The following ZNF324B variants were observed in gnomAD, a reference collection of about 807,000 sequenced individuals.
The protein encoded by ZNF324B is zinc finger protein 324B.
Under a neutral mutation model 10.6 loss-of-function variants are expected in ZNF324B, and 7 were observed. That is an observed-to-expected ratio of 0.66 (90% CI 0.38 to 1.24). The LOEUF (loss-of-function observed/expected upper bound fraction) is 1.24, where lower values mean the gene tolerates loss of function less well. Among genes scored for constraint, ZNF324B ranks in the 50% most tolerant of loss-of-function variants. The pLI, the probability that ZNF324B is intolerant of heterozygous loss-of-function variation, is 0.02. For missense variants in ZNF324B, 640 were observed against 764.7 expected (o/e 0.84, Z 1.92); for synonymous variants, 316 against 321.0 (o/e 0.98, Z 0.17).
At chr19:58,435,564 T>G in the ZNF324B span, 1 of 188,556 alleles carries the variant, frequency 5.3e-6, no homozygotes, top group Non-Finnish European at 1.1e-5. Flanking sequence ...CATAATGAGA[T>G]ACCACTTCAC....
At position 58,455,474 on chromosome 19, in the gene ZNF324B, A is replaced by G. The variant is rs753478474; in HGVS notation, c.530A>G (p.Lys177Arg). 4.1e-5 allele frequency: 66 copies of G among 1,613,964 alleles called. No homozygotes were observed. Among genetic ancestry groups the G allele is most frequent in the Non-Finnish European group, 5.1e-5 (60 of 1,179,992 alleles). ...RPPKSSRPREKTFTEYRVPGR... is the reference protein window; with the variant it reads ...RPPKSSRPRERTFTEYRVPGR... ...CCCAAGAGCAGCCGGCCCAGGGAAA[A>G]GACCTTCACAGAGTACCGGGTGCCT... is the stretch of plus-strand genomic sequence containing the variant. Residue 177 changes from lysine to arginine, a missense_variant, in exon 4 of 4, where the codon AAG becomes AGG. Lys to Arg is a conservative substitution (Grantham distance 26). Transcript: ENST00000336614. This position sits in a 1 kb window ranked among gnomAD's most constrained non-coding sequence, Gnocchi z 7.0.
chr19:58,454,183 G>C (rs2052889523), intron 2 of ZNF324B, 45 bp from the exon 3 acceptor site: 1 of 1,304,508 alleles, frequency 7.7e-7, no homozygotes, highest in Non-Finnish European at 1.1e-6. Flanking sequence ...TGGGAGGTGG[G>C]TTGTCTTGAC....
At position 58,455,531 on chromosome 19, in the gene ZNF324B, A is replaced by G. The variant is rs760665992; in HGVS notation, c.587A>G (p.Lys196Arg). 6.2e-7 allele frequency: 1 copy of G among 1,614,096 alleles called. No individual in the cohort carries two copies. The highest frequency in any genetic ancestry group is 1.1e-5 in the South Asian group (1 of 91,092). The change falls in exon 4 of 4, where the codon AAG becomes AGG. Residue 196 changes from lysine (K) to arginine (R), a missense_variant. Coordinates refer to ENST00000336614, the MANE Select transcript of ZNF324B (RefSeq NM_207395.3). This position sits in a 1 kb window ranked among gnomAD's most constrained non-coding sequence, Gnocchi z 7.0. Reference sequence around the variant, plus strand: ...CAGCCCAGGACGCCTGAGCGGCAGAAGCCATGTGCACAGGAGGTCCCTGGG... The same window carrying G: ...CAGCCCAGGACGCCTGAGCGGCAGAGGCCATGTGCACAGGAGGTCCCTGGG... Reference protein sequence around the residue: ...GRQPRTPERQKPCAQEVPGRA... With the variant: ...GRQPRTPERQRPCAQEVPGRA...
At chr19:58,446,141 C>G in the ZNF324B span, among the ~76,000 whole-genome samples, 3 of 152,080 alleles carry the variant, frequency 2.0e-5, no homozygotes, top group African/African-American at 7.2e-5. Flanking sequence ...TCTCAAAAAA[C>G]AAACAAACAA....
chr19:58,418,941 T>A, the ZNF324B span: 4 of 152,234 alleles, frequency 2.6e-5, no homozygotes, highest in African/African-American at 9.6e-5. Flanking sequence ...TTCTGATCCC[T>A]GTGTGTGGAG....
rs565282291 is a variant in ZNF324B at position 58,453,428 on chromosome 19, G to T, written c.-6-268G>T. ...GGATATTTGGGGCTGCCCTTGGTGT[G>T]GCAGCTAAGGGCCCAGCCAGGGCTT... On this transcript the variant is annotated intron_variant, in intron 1 of 3. Transcript: ENST00000336614. 5.7e-4 allele frequency among the ~76,000 whole-genome samples: 87 copies of T among 152,308 alleles called. 1 individual carries two copies. The highest frequency in any genetic ancestry group is 1.9e-3 in the African/African-American group (79 of 41,566).
the ZNF324B span, chr19:58,432,462 T>A: frequency 2.7e-6 from 1 of 373,960 alleles, no homozygotes; most frequent in East Asian, 7.8e-5. Context: ...CCCAAATCCC[T>A]GGTTATTACC....
At chr19:58,435,256 G>A in the ZNF324B span, 1 of 1,569,430 alleles carries the variant, frequency 6.4e-7, no homozygotes, top group South Asian at 1.2e-5. Flanking sequence ...CCACTTGGTG[G>A]GAATGGTTGA....
At chr19:58,421,557 T>C in the ZNF324B span, among the ~76,000 whole-genome samples, 1 of 152,120 alleles carries the variant, frequency 6.6e-6, no homozygotes, top group African/African-American at 2.4e-5. Context: ...ATTTTTGTAT[T>C]TTTAGTAGAG....
chr19:58,426,786 A>C, the ZNF324B span, among the ~76,000 whole-genome samples: 1 of 152,228 alleles, frequency 6.6e-6, no homozygotes, highest in Admixed American at 6.5e-5. Flanking sequence ...TGCCCAGTAG[A>C]TTCCAGAAGA....
At chr19:58,451,389 C>T (rs1055681500), upstream of ZNF324B, among the ~76,000 whole-genome samples, 2 of 152,370 alleles carry the variant, frequency 1.3e-5, no homozygotes, top group African/African-American at 2.4e-5. Flanking sequence ...GACAACCTGC[C>T]GGGCGACTCA....
chr19:58,455,321 C>A lies in ZNF324B; in HGVS notation c.377C>A (p.Pro126Gln), dbSNP rs779513346. 2.5e-6 allele frequency: 4 copies of A among 1,614,114 alleles called. No individual in the cohort carries two copies. Among genetic ancestry groups the A allele is most frequent in the Admixed American group, 1.7e-5 (1 of 60,010 alleles). ...AGTGTAAAAAGCCTGCAGCGACAAC[C>A]GGGTGCCTCCCCATCTCAGGAGAGA... ...CHSVKSLQRQ[P>Q]GASPSQERKP... The change falls in exon 4 of 4, where the codon CCG becomes CAG. Residue 126 changes from proline (P) to glutamine (Q), a missense_variant. Physicochemically the swap from Pro to Gln is moderately conservative, Grantham distance 76. Around this residue, in one of 3 missense-constraint regions of ZNF324B, gnomAD observed 345 missense variants for 387.9 expected, o/e 0.89. Coordinates refer to ENST00000336614, the MANE Select transcript of ZNF324B (RefSeq NM_207395.3). The surrounding 1 kb of genome is among the most constrained non-coding windows in gnomAD (Gnocchi z 7.0).
upstream of ZNF324B, among the ~76,000 whole-genome samples, chr19:58,450,060 T>C (rs1215939511): frequency 2.0e-5 from 3 of 152,174 alleles, no homozygotes; most frequent in East Asian, 3.8e-4. Context: ...AACTGAGTCA[T>C]GGGGACAGTT....
chr19:58,419,683 C>T, the ZNF324B span, among the ~76,000 whole-genome samples: 1 of 152,140 alleles, frequency 6.6e-6, no homozygotes, highest in Non-Finnish European at 1.5e-5. Context: ...CCTTTTGTGA[C>T]CCAGCCAGTA....
upstream of ZNF324B, among the ~76,000 whole-genome samples, chr19:58,449,194 G>A (rs531514971): frequency 6.6e-6 from 1 of 152,244 alleles, no homozygotes; most frequent in Non-Finnish European, 1.5e-5. Flanking sequence ...CTCCCATGTG[G>A]TGTTGAGCCT....
chr19:58,435,991 T>G, the ZNF324B span, among the ~76,000 whole-genome samples: 6 of 152,210 alleles, frequency 3.9e-5, no homozygotes, highest in Non-Finnish European at 7.3e-5. Context: ...AGTCTTTCTA[T>G]ACACTGGAAT....
chr19:58,434,099 G>A, the ZNF324B span: 1 of 1,614,106 alleles, frequency 6.2e-7, no homozygotes, highest in Non-Finnish European at 8.5e-7. Context: ...ACTTTCTGGT[G>A]CTGAGCAAGG....
chr19:58,445,357 G>A, the ZNF324B span: 1 of 512,756 alleles, frequency 2.0e-6, no homozygotes, highest in South Asian at 1.4e-5. Context: ...GCCTTGATGT[G>A]CACAAAGTGA....
chr19:58,445,935 G>C, the ZNF324B span: 2 of 162,208 alleles, frequency 1.2e-5, no homozygotes, highest in African/African-American at 2.4e-5. Context: ...AGGAGTTTGA[G>C]ACCAGCCTGG....
Sources: allele counts gnomAD v4.1 joint callset (sites outside exome capture counted in the v4.1 genomes callset), GRCh38; gene constraint gnomAD v4.1.1; regional missense constraint gnomAD v4.1.1; non-coding constraint Gnocchi (gnomAD v3.1); transcripts MANE v1.5; gene names NCBI Gene and HGNC (gene_info 2026-07-23, HGNC 2026-07-21).